The following CFH variants were observed in gnomAD, a reference collection of about 807,000 sequenced individuals.
CFH encodes complement factor H, also known as H factor 1 (complement).
In CFH, 53 loss-of-function variants were observed where a neutral mutation model predicts 147.3. The ratio of observed to expected loss-of-function variants is 0.36; its 90% CI spans 0.29 to 0.45. CFH has a LOEUF of 0.45. CFH is among the 20% of genes least tolerant of loss of function. CFH has a pLI of 1.00. For synonymous variants in CFH, 536 were observed against 489.4 expected (o/e 1.10, Z -1.26); for missense variants, 1,380 against 1,498.0 (o/e 0.92, Z 1.30).
At chr1:196,738,202 G>A (rs1652656571) in intron 17 of CFH, among the ~76,000 whole-genome samples, 1 of 152,108 alleles carries the variant, frequency 6.6e-6, no homozygotes, top group African/African-American at 2.4e-5. Flanking sequence ...ACAAAACATG[G>A]AGATTATGGG....
intron 9 of CFH, among the ~76,000 whole-genome samples, chr1:196,710,717 A>AT (rs1441846460): frequency 3.3e-5 from 5 of 152,202 alleles, no homozygotes; most frequent in Non-Finnish European, 7.4e-5. Context: ...ATAGTATTAA[A>AT]TTTTTCAATC....
At position 196,676,026 on chromosome 1, in the gene CFH, G is replaced by A. The variant is rs147002633; in HGVS notation, c.388G>A (p.Asp130Asn). The A allele has an allele frequency of 2.4e-4, 388 of 1,610,568 alleles. No homozygotes were observed. The highest frequency in any genetic ancestry group is 3.1e-4 in the Non-Finnish European group (368 of 1,177,554). The stretch of plus-strand genomic sequence containing the variant: ...AGGTGAGATTAATTACCGTGAATGT[G>A]ACACAGATGGATGGACCAATGATAT... ...LLGEINYREC[D>N]TDGWTNDIPI... Residue 130 changes from aspartate to asparagine, a missense_variant, in exon 4 of 22, where the codon GAC becomes AAC. Physicochemically the swap from Asp to Asn is conservative, Grantham distance 23. Around this residue, in one of 4 missense-constraint regions of CFH, gnomAD observed 260 missense variants for 263.3 expected, o/e 0.99. Coordinates refer to ENST00000367429, the MANE Select transcript of CFH (RefSeq NM_000186.4).
At chr1:196,673,773 T>C (rs1057304606) in intron 2 of CFH, 84 bp from the exon 3 acceptor site, 33 of 849,338 alleles carry the variant, frequency 3.9e-5, no homozygotes, top group Non-Finnish European at 5.8e-5. Flanking sequence ...TTATATAATA[T>C]CAAATATACT....
At chr1:196,719,052 C>A (rs1376999006) in intron 11 of CFH, among the ~76,000 whole-genome samples, 1 of 151,922 alleles carries the variant, frequency 6.6e-6, no homozygotes, top group East Asian at 1.9e-4. Context: ...TTATGGAGCA[C>A]TTAAGCTAAA....
At chr1:196,742,217 A>T (rs560537602) in intron 19 of CFH, among the ~76,000 whole-genome samples, 166 bp downstream of exon 19, 31 of 151,786 alleles carry the variant, frequency 2.0e-4, no homozygotes, top group African/African-American at 7.3e-4. Context: ...TCTACTAAAA[A>T]TACAAAAAAA....
chr1:196,696,365 G>A (rs1448565158), intron 9 of CFH, among the ~76,000 whole-genome samples: 2 of 152,142 alleles, frequency 1.3e-5, no homozygotes, highest in African/African-American at 2.4e-5. Flanking sequence ...TGACTACTGA[G>A]TAAATATTGA....
chr1:196,699,005 C>G (rs922871170), intron 9 of CFH, among the ~76,000 whole-genome samples: 2 of 152,094 alleles, frequency 1.3e-5, no homozygotes, highest in African/African-American at 4.8e-5. Flanking sequence ...ATTCAACACC[C>G]CTTCATGGTA....
chr1:196,688,571 G>A (rs563479465), intron 7 of CFH, among the ~76,000 whole-genome samples: 172 of 151,978 alleles, frequency 1.1e-3, no homozygotes, highest in Non-Finnish European at 1.4e-3. Context: ...ATATTTTTAC[G>A]TTGTCTGCAA....
At chr1:196,744,578 C>T (rs1178550252) in intron 20 of CFH, among the ~76,000 whole-genome samples, 1 of 152,064 alleles carries the variant, frequency 6.6e-6, no homozygotes, top group African/African-American at 2.4e-5. Context: ...ACATTTAAAT[C>T]TACAACTGGA....
intron 9 of CFH, among the ~76,000 whole-genome samples, chr1:196,692,792 T>A (rs1668100329): frequency 9.8e-6 from 1 of 101,686 alleles, no homozygotes; most frequent in Admixed American, 1.1e-4. Flanking sequence ...CTTTCTTTCT[T>A]TCTTTCTTTC....
intron 6 of CFH, among the ~76,000 whole-genome samples, chr1:196,683,601 G>A (rs1189276104): frequency 6.6e-6 from 1 of 151,598 alleles, no homozygotes; most frequent in Non-Finnish European, 1.5e-5. Context: ...TTAAGAGTGT[G>A]GTTGATAAGG....
At chr1:196,664,326 T>C (rs751200621) in intron 1 of CFH, among the ~76,000 whole-genome samples, 6 of 152,150 alleles carry the variant, frequency 3.9e-5, no homozygotes, top group Non-Finnish European at 8.8e-5. Flanking sequence ...CCTCCCAAAA[T>C]GTTGGGATTA....
chr1:196,664,344 G>A (rs967692380), intron 1 of CFH, among the ~76,000 whole-genome samples: 2 of 152,160 alleles, frequency 1.3e-5, no homozygotes, highest in African/African-American at 2.4e-5. Flanking sequence ...TTACAGGTGT[G>A]AGCCACCATG....
At chr1:196,697,252 C>T (rs1236626380) in intron 9 of CFH, among the ~76,000 whole-genome samples, 1 of 151,992 alleles carries the variant, frequency 6.6e-6, no homozygotes, top group South Asian at 2.1e-4. Context: ...TTGCAATCTA[C>T]TCATCTGACA....
intron 6 of CFH, among the ~76,000 whole-genome samples, chr1:196,680,318 A>G (rs1667606715): frequency 6.6e-6 from 1 of 151,552 alleles, no homozygotes; most frequent in Non-Finnish European, 1.5e-5. Context: ...TACCAAAAAA[A>G]AAAAAAAAAA....
In CFH at chr1:196,728,158, C is replaced by T. The variant is rs1329429; in HGVS notation, c.2237-188C>T. On this transcript the variant is annotated intron_variant, in intron 14 of 21. Coordinates refer to ENST00000367429, the MANE Select transcript of CFH (RefSeq NM_000186.4). ...TCTCTAACATTTCAGCGACAGAATA[C>T]AGGGCTTATATTTTGACATAATAGC... Among the ~76,000 whole-genome samples, 29,595 of 151,988 alleles carry T rather than the reference C, an allele frequency of 0.19. 3,523 individuals are homozygous for T. Among genetic ancestry groups the T allele is most frequent in the East Asian group, 0.39 (2,005 of 5,168 alleles).
Position 196,747,339 on chromosome 1 carries a change from A to C in CFH, c.*26A>C. ...AATCAATCATAAAGTGCACACCTTTATTCAGAACTTTAGTATTAAATCAGT... is the reference window on the plus strand; with the variant it reads ...AATCAATCATAAAGTGCACACCTTTCTTCAGAACTTTAGTATTAAATCAGT... On this transcript the variant is annotated 3_prime_UTR_variant, in exon 22 of 22. Coordinates refer to ENST00000367429, the MANE Select transcript of CFH (RefSeq NM_000186.4). 6.2e-7 allele frequency: 1 copy of C among 1,614,004 alleles called. No homozygotes were observed. The highest frequency in any genetic ancestry group is 8.5e-7 in the Non-Finnish European group (1 of 1,179,858).
Position 196,652,057 on chromosome 1 carries a change from A to C in CFH, c.-61A>C, listed in dbSNP as rs886045741. 8.7e-6 allele frequency: 10 copies of C among 1,152,768 alleles called. No homozygotes were observed. Among genetic ancestry groups the C allele is most frequent in the Non-Finnish European group, 1.3e-5 (10 of 760,014 alleles). 71.4% of individuals were successfully genotyped at this position (1,152,768 alleles called of 1,614,324 possible). ...CTGCACTAATCACAATTCTTGGAAGAGGAGAACTGGACGTTGTGAACAGAG... is the reference window on the plus strand; with the variant it reads ...CTGCACTAATCACAATTCTTGGAAGCGGAGAACTGGACGTTGTGAACAGAG... On this transcript the variant is annotated 5_prime_UTR_variant, in exon 1 of 22. Transcript: ENST00000367429.
intron 17 of CFH, among the ~76,000 whole-genome samples, chr1:196,738,273 G>A (rs1652658476): frequency 6.6e-6 from 1 of 152,086 alleles, no homozygotes; most frequent in Non-Finnish European, 1.5e-5. Flanking sequence ...TTCCACCATG[G>A]CCTATCCCAA....
Sources: allele counts gnomAD v4.1 joint callset (sites outside exome capture counted in the v4.1 genomes callset), GRCh38; gene constraint gnomAD v4.1.1; regional missense constraint gnomAD v4.1.1; transcripts MANE v1.5; gene names NCBI Gene and HGNC (gene_info 2026-07-23, HGNC 2026-07-21).